Variants in SLFN12L observed in about 807,000 individuals in gnomAD.
SLFN12L encodes the protein schlafen family member 12-like.
Under a neutral mutation model 34.8 loss-of-function variants are expected in SLFN12L, and 34 were observed. The ratio of observed to expected loss-of-function variants is 0.98; its 90% confidence interval spans 0.74 to 1.30. The LOEUF (loss-of-function observed/expected upper bound fraction) is 1.30, where lower values mean the gene tolerates loss of function less well. Among genes scored for constraint, SLFN12L ranks in the 50% most tolerant of loss-of-function variants. The pLI is 0.00. For synonymous variants in SLFN12L, 259 were observed against 247.5 expected, an observed-to-expected ratio of 1.05 and a Z score of -0.44; for missense variants, 703 against 696.2, an observed-to-expected ratio of 1.01 and a Z score of -0.11.
intron 4 of SLFN12L, among the ~76,000 whole-genome samples, chr17:35,476,454 C>G (rs111530292): frequency 6.6e-5 from 7 of 105,610 alleles, no homozygotes; most frequent in Admixed American, 2.2e-4. Flanking sequence ...GAAAAGAAAG[C>G]AAGGAAGGAA....
chr17:35,503,852 C>A (rs147502590), intron 2 of SLFN12L, among the ~76,000 whole-genome samples: 1 of 150,436 alleles, frequency 6.6e-6, no homozygotes, highest in Non-Finnish European at 1.5e-5. Flanking sequence ...AGGACCCTAC[C>A]TTGTGCTGCT....
At chr17:35,529,079 C>A (rs1171822534) in intron 1 of SLFN12L, among the ~76,000 whole-genome samples, 4 of 152,106 alleles carry the variant, frequency 2.6e-5, no homozygotes, top group Non-Finnish European at 5.9e-5. Context: ...ATGCACCCAA[C>A]AAACATATGA....
At position 35,465,081 on chromosome 17, in the gene SLFN12L, T is replaced by C. The variant is rs908190987; in HGVS notation, c.*9842A>G. ...TTAGTAGAGATGAGGTTTCACTATA[T>C]GTTCGCCAGGCTGGTCTCGAACTCC... is the stretch of plus-strand genomic sequence containing the variant. On this transcript the variant is annotated 3_prime_UTR_variant, in exon 5 of 5. Transcript: ENST00000628453. 6.6e-6 allele frequency among the ~76,000 whole-genome samples: 1 copy of C among 152,220 alleles called. No homozygotes were observed. Among genetic ancestry groups the C allele is most frequent in the Non-Finnish European group, 1.5e-5 (1 of 68,040 alleles).
intron 3 of SLFN12L, chr17:35,478,568 G>C (rs534596320): frequency 2.1e-5 from 4 of 193,176 alleles, no homozygotes; most frequent in African/African-American, 9.6e-5. Flanking sequence ...CAGAGATTTT[G>C]TAAGTTGCTA....
intron 2 of SLFN12L, among the ~76,000 whole-genome samples, chr17:35,488,419 AG>A (rs1914696538): frequency 6.6e-6 from 1 of 152,240 alleles, no homozygotes; most frequent in Non-Finnish European, 1.5e-5. Context: ...CTTGCGGTGT[AG>A]GAAGTATCTT....
intron 2 of SLFN12L, among the ~76,000 whole-genome samples, chr17:35,510,747 T>TA (rs1049056978): frequency 7.3e-5 from 11 of 150,464 alleles, no homozygotes; most frequent in South Asian, 6.3e-4. Context: ...ATCTCAGTTT[T>TA]AAAAAAAGGA....
intron 2 of SLFN12L, among the ~76,000 whole-genome samples, chr17:35,515,640 T>C (rs1379179456): frequency 8.3e-6 from 1 of 120,558 alleles, no homozygotes; most frequent in Admixed American, 7.8e-5. Context: ...GCAATTTTTT[T>C]TTTTTTTTTT....
In SLFN12L at chr17:35,466,973, C is replaced by T. The variant is rs1192787633; in HGVS notation, c.*7950G>A. ...TATGCTTTCAGTCATGGAAACAGCACCCTGCAAGCTCAGCCTCTCAGAGGG... is the reference window on the plus strand; with the variant it reads ...TATGCTTTCAGTCATGGAAACAGCATCCTGCAAGCTCAGCCTCTCAGAGGG... On this transcript the variant is annotated 3_prime_UTR_variant, in exon 5 of 5. Transcript: ENST00000628453. Among the ~76,000 whole-genome samples, 2 of 152,176 alleles carry T rather than the reference C, an allele frequency of 1.3e-5. No homozygotes were observed. The highest frequency in any genetic ancestry group is 2.4e-5 in the African/African-American group (1 of 41,446).
At chr17:35,525,964 A>C (rs2072330595) in intron 1 of SLFN12L, among the ~76,000 whole-genome samples, 1 of 152,176 alleles carries the variant, frequency 6.6e-6, no homozygotes, top group Admixed American at 6.5e-5. Flanking sequence ...CAGGAGACCC[A>C]CCTCACGTGC....
At chr17:35,481,558 G>A (rs969748649) in intron 2 of SLFN12L, among the ~76,000 whole-genome samples, 3 of 152,234 alleles carry the variant, frequency 2.0e-5, no homozygotes, top group African/African-American at 7.2e-5. Context: ...CCTGTCCAGT[G>A]GACACATGAC....
chr17:35,525,364 C>T (rs1455392292), intron 1 of SLFN12L, among the ~76,000 whole-genome samples: 5 of 152,168 alleles, frequency 3.3e-5, no homozygotes, highest in African/African-American at 1.2e-4. Context: ...GAGAACACCA[C>T]AAAGATATTC....
chr17:35,527,552 G>A lies in SLFN12L; in HGVS notation c.-605-4583C>T, dbSNP rs572355369. On this transcript the variant is annotated intron_variant, in intron 1 of 4. Transcript: ENST00000628453. Reference sequence around the variant, plus strand: ...GGGATGCAAGGCTGGTTGAACATACGCAAATCAATAAACGTAATCCATCAC... The same window carrying A: ...GGGATGCAAGGCTGGTTGAACATACACAAATCAATAAACGTAATCCATCAC... Among the ~76,000 whole-genome samples, 217 of 152,156 alleles carry A rather than the reference G, an allele frequency of 1.4e-3. 1 individual carries two copies. Among genetic ancestry groups the A allele is most frequent in the African/African-American group, 5.1e-3 (211 of 41,496 alleles).
chr17:35,522,567 C>T lies in SLFN12L; in HGVS notation c.-203G>A, dbSNP rs1916030094. The T allele has an allele frequency of 6.2e-6, 10 of 1,608,772 alleles. No individual in the cohort carries two copies. Among genetic ancestry groups the T allele is most frequent in the Non-Finnish European group, 8.5e-6 (10 of 1,177,504 alleles). ...GGACTGCAGCAGGGCTTCCAATGTG[C>T]TGGGTGCCTGCAAAACTATAGGACG... On this transcript the variant is annotated 5_prime_UTR_variant, in exon 2 of 5. Coordinates refer to ENST00000628453, the MANE Select transcript of SLFN12L (RefSeq NM_001363830.2).
In SLFN12L at chr17:35,464,931, C is replaced by T. The variant is rs1032236748; in HGVS notation, c.*9992G>A. Among the ~76,000 whole-genome samples the T allele has an allele frequency of 5.9e-5, 9 of 152,222 alleles. No individual in the cohort carries two copies. In the East Asian group the frequency reaches 7.7e-4, roughly 13 times the overall value. On this transcript the variant is annotated 3_prime_UTR_variant, in exon 5 of 5. Transcript: ENST00000628453. The stretch of plus-strand genomic sequence containing the variant: ...TTGCTCTGTCACCCAGGCTGGAGTG[C>T]GGTGGTGCCATCTTGGCTCACTGCA...
At chr17:35,489,502 C>T (rs539763780) in intron 2 of SLFN12L, among the ~76,000 whole-genome samples, 1 of 151,920 alleles carries the variant, frequency 6.6e-6, no homozygotes, top group Non-Finnish European at 1.5e-5. Context: ...TGCAGTGAGC[C>T]GTGATCAGGC....
chr17:35,471,929 T>C lies in SLFN12L; in HGVS notation c.*2994A>G, dbSNP rs1913816272. On this transcript the variant is annotated 3_prime_UTR_variant, in exon 5 of 5. Transcript: ENST00000628453. Reference sequence around the variant, plus strand: ...TGGGGTTGTTTTTTCCTTGTAAATTTGTTTAAGTTCCTTGTACATTCTGGG... The same window carrying C: ...TGGGGTTGTTTTTTCCTTGTAAATTCGTTTAAGTTCCTTGTACATTCTGGG... 6.6e-6 allele frequency among the ~76,000 whole-genome samples: 1 copy of C among 152,206 alleles called. No homozygotes were observed. Among genetic ancestry groups the C allele is most frequent in the South Asian group, 2.1e-4 (1 of 4,832 alleles).
At chr17:35,498,358 T>G (rs1597856189) in intron 2 of SLFN12L, 1 of 1,033,882 alleles carries the variant, frequency 9.7e-7, no homozygotes, top group Non-Finnish European at 1.5e-6. Context: ...AATCTCACGG[T>G]ACACAGAGAA....
chr17:35,491,535 C>T (rs184758736), intron 2 of SLFN12L, among the ~76,000 whole-genome samples: 23 of 152,358 alleles, frequency 1.5e-4, no homozygotes, highest in African/African-American at 5.5e-4. Context: ...TCTCTCACCC[C>T]GACTTTTCCT....
intron 2 of SLFN12L, chr17:35,500,154 C>G (rs1165783622): frequency 6.6e-6 from 1 of 152,146 alleles, no homozygotes; most frequent in Admixed American, 6.5e-5. Flanking sequence ...TTTCCTGTTT[C>G]TGTTTTCTGA....
Sources: allele counts gnomAD v4.1 joint callset (sites outside exome capture counted in the v4.1 genomes callset), GRCh38; gene constraint gnomAD v4.1.1; transcripts MANE v1.5; gene names NCBI Gene and HGNC (gene_info 2026-07-23, HGNC 2026-07-21).